Variants in IKZF1 observed in about 807,000 individuals in gnomAD.
IKZF1 encodes IKAROS family zinc finger 1, also known as DNA-binding protein Ikaros.
In IKZF1, 10 loss-of-function variants were observed where a neutral mutation model predicts 51.7. The observed-to-expected ratio is 0.19, with a 90% confidence interval of 0.12 to 0.33. IKZF1 has a LOEUF of 0.33. Ranked by LOEUF, IKZF1 falls within the 10% of genes least tolerant of loss-of-function variation. The pLI is 1.00. For synonymous variants in IKZF1, 280 were observed against 282.3 expected, an observed-to-expected ratio of 0.99 and a Z score of 0.08; for missense variants, 484 against 707.5, an observed-to-expected ratio of 0.68 and a Z score of 3.58.
At chr7:50,389,715 T>C (rs1363446771) in intron 6 of IKZF1, among the ~76,000 whole-genome samples, 1 of 152,180 alleles carries the variant, frequency 6.6e-6, no homozygotes, top group Admixed American at 6.5e-5. Context: ...CTTGGAGTAT[T>C]AAGGGGATCC....
chr7:50,335,321 G>A lies in IKZF1; in HGVS notation c.160+7564G>A, dbSNP rs1340863350. Among the ~76,000 whole-genome samples the A allele has an allele frequency of 9.7e-5, 14 of 143,886 alleles. No homozygotes were observed. In the South Asian group the frequency reaches 2.9e-3, roughly 30 times the overall value. 94.4% of individuals were successfully genotyped at this position (143,886 alleles called of 152,430 possible). On this transcript the variant is annotated intron_variant, in intron 3 of 7. Transcript: ENST00000331340. ...GTGTATGGGATGTGTGGTATGTGGT[G>A]TGTATGTGTGTATGGGAGGTGTGTT...
At chr7:50,389,638 C>T (rs1161483327) in intron 6 of IKZF1, among the ~76,000 whole-genome samples, 1 of 152,176 alleles carries the variant, frequency 6.6e-6, no homozygotes, top group Non-Finnish European at 1.5e-5. Flanking sequence ...AAATATCTTT[C>T]GACAGTCACC....
chr7:50,346,005 G>T (rs1027699284), intron 3 of IKZF1, among the ~76,000 whole-genome samples: 1 of 152,240 alleles, frequency 6.6e-6, no homozygotes, highest in Non-Finnish European at 1.5e-5. Context: ...TTTGTGGGAT[G>T]CACTGACTGC....
chr7:50,398,605 C>T lies in IKZF1; in HGVS notation c.851-1313C>T, dbSNP rs142798832. Reference sequence around the variant, plus strand: ...TGGGAAGGAATTATCCATGCAATCACACATAAACTTCTACCTACCCTCCCC... The same window carrying T: ...TGGGAAGGAATTATCCATGCAATCATACATAAACTTCTACCTACCCTCCCC... On this transcript the variant is annotated intron_variant, in intron 7 of 7. Transcript: ENST00000331340. Among the ~76,000 whole-genome samples the T allele has an allele frequency of 6.2e-3, 949 of 152,338 alleles. 7 individuals carry two copies. Among genetic ancestry groups the T allele is most frequent in the African/African-American group, 0.017 (698 of 41,568 alleles).
rs184985150 is a variant in IKZF1 at position 50,361,644 on chromosome 7, G to A, written c.161-14889G>A. On this transcript the variant is annotated intron_variant, in intron 3 of 7. Transcript: ENST00000331340. Reference sequence around the variant, plus strand: ...TGTAATCCCAGCACTTTGGGAGGCCGAGGTGGGCTGATCACAAGGTCAAGA... The same window carrying A: ...TGTAATCCCAGCACTTTGGGAGGCCAAGGTGGGCTGATCACAAGGTCAAGA... Among the ~76,000 whole-genome samples, 47 of 152,320 alleles carry A rather than the reference G, an allele frequency of 3.1e-4. 1 individual carries two copies. Among genetic ancestry groups the A allele is most frequent in the African/African-American group, 9.1e-4 (38 of 41,566 alleles).
At chr7:50,381,416 T>C (rs7455944) in intron 4 of IKZF1, among the ~76,000 whole-genome samples, 9,421 of 152,356 alleles carry the variant, frequency 0.062, 480 homozygotes, top group South Asian at 0.093. Context: ...AAGAGTTTCA[T>C]GTTTACTTAA....
At chr7:50,389,518 G>C (rs551599166) in intron 6 of IKZF1, among the ~76,000 whole-genome samples, 46 of 152,336 alleles carry the variant, frequency 3.0e-4, no homozygotes, top group African/African-American at 1.1e-3. Context: ...GCGTCTCTAG[G>C]AAGGAGCAGT....
chr7:50,347,612 G>A (rs917021380), intron 3 of IKZF1, among the ~76,000 whole-genome samples: 1 of 152,162 alleles, frequency 6.6e-6, no homozygotes, highest in African/African-American at 2.4e-5. Context: ...ATTGACACTA[G>A]TCTTATAAGT....
intron 3 of IKZF1, among the ~76,000 whole-genome samples, chr7:50,353,870 C>T (rs115157987): frequency 0.016 from 2,365 of 152,250 alleles, 58 homozygotes; most frequent in African/African-American, 0.052. Flanking sequence ...GCTGTTGTCC[C>T]GGGTCCCCCT....
chr7:50,366,892 T>G (rs1807134129), intron 3 of IKZF1, among the ~76,000 whole-genome samples: 1 of 152,148 alleles, frequency 6.6e-6, no homozygotes. Context: ...ATGGAGGCAA[T>G]CAGTTTATGC....
chr7:50,399,682 T>C (rs924957146), intron 7 of IKZF1, among the ~76,000 whole-genome samples: 1 of 152,246 alleles, frequency 6.6e-6, no homozygotes, highest in African/African-American at 2.4e-5. Flanking sequence ...GGGTAGGTCC[T>C]GGCTCGGTGT....
chr7:50,357,557 C>T (rs976179825), intron 3 of IKZF1, among the ~76,000 whole-genome samples: 3 of 152,186 alleles, frequency 2.0e-5, no homozygotes, highest in Non-Finnish European at 2.9e-5. Context: ...CACCGTGGCA[C>T]GTGAGTTTCG....
chr7:50,400,395 A>C lies in IKZF1; in HGVS notation c.1328A>C (p.Glu443Ala), dbSNP rs1562913723. The C allele has an allele frequency of 6.2e-6, 10 of 1,613,502 alleles. No homozygotes were observed. The highest frequency in any genetic ancestry group is 7.6e-6 in the Non-Finnish European group (9 of 1,179,788). ...TACGACCTGCTGCGCGCCGCCTCCG[A>C]GAACTCGCAGGACGCGCTCCGCGTG... ...RAYDLLRAAS[E>A]NSQDALRVVS... is the part of the protein sequence containing the mutation. The change falls in exon 8 of 8, where the codon GAG becomes GCG. Residue 443 changes from glutamate (E) to alanine (A), a missense_variant. Around this residue, in one of 6 missense-constraint regions of IKZF1, gnomAD observed 72 missense variants for 67.5 expected, o/e 1.07. Coordinates refer to ENST00000331340, the MANE Select transcript of IKZF1 (RefSeq NM_006060.6). The surrounding 1 kb of genome is among the most constrained non-coding windows in gnomAD (Gnocchi z 5.4).
intron 6 of IKZF1, among the ~76,000 whole-genome samples, chr7:50,389,096 C>T (rs1471981756): frequency 3.3e-5 from 5 of 152,180 alleles, no homozygotes; most frequent in Non-Finnish European, 7.3e-5. Flanking sequence ...TCCGGGGGAG[C>T]AGGAGAAGCA....
At chr7:50,334,370 A>G (rs1163688439) in intron 3 of IKZF1, among the ~76,000 whole-genome samples, 2 of 151,808 alleles carry the variant, frequency 1.3e-5, no homozygotes, top group Non-Finnish European at 2.9e-5. Flanking sequence ...GTCTGTATAT[A>G]TGTGGGGGGT....
At chr7:50,320,173 ATAAT>A (rs1179899987) in intron 2 of IKZF1, among the ~76,000 whole-genome samples, 4 of 152,366 alleles carry the variant, frequency 2.6e-5, no homozygotes, top group Middle Eastern at 3.4e-3. Flanking sequence ...TTATTACAAT[ATAAT>A]TGCCACATTC....
At chr7:50,384,959 T>C (rs1406031220) in intron 5 of IKZF1, among the ~76,000 whole-genome samples, 1 of 152,236 alleles carries the variant, frequency 6.6e-6, no homozygotes, top group African/African-American at 2.4e-5. Flanking sequence ...CTGCTCTCTT[T>C]CCTTTCTTGT....
At chr7:50,369,377 C>T (rs1807967222) in intron 3 of IKZF1, 4 of 395,120 alleles carry the variant, frequency 1.0e-5, no homozygotes, top group Admixed American at 4.4e-5. Context: ...CTGTAAGAAT[C>T]GCTGCATGTG....
intron 3 of IKZF1, among the ~76,000 whole-genome samples, chr7:50,334,871 G>A (rs1428614327): frequency 1.3e-5 from 2 of 149,918 alleles, no homozygotes; most frequent in South Asian, 2.1e-4. Context: ...TGTGTGTATG[G>A]GATGTGTAAT....
Sources: allele counts gnomAD v4.1 joint callset (sites outside exome capture counted in the v4.1 genomes callset), GRCh38; gene constraint gnomAD v4.1.1; regional missense constraint gnomAD v4.1.1; non-coding constraint Gnocchi (gnomAD v3.1); transcripts MANE v1.5; gene names NCBI Gene and HGNC (gene_info 2026-07-23, HGNC 2026-07-21).